Variants in FBXL17 observed in about 807,000 individuals in gnomAD.
FBXL17 encodes the protein F-box and leucine rich repeat protein 17.
Under a neutral mutation model 66.2 loss-of-function variants are expected in FBXL17, and 22 were observed. The ratio of observed to expected loss-of-function variants is 0.33; its 90% CI spans 0.24 to 0.47. The LOEUF (loss-of-function observed/expected upper bound fraction) is 0.47, where lower values mean the gene tolerates loss of function less well. Ranked by LOEUF, FBXL17 falls within the 20% of genes least tolerant of loss-of-function variation. The pLI is 1.00. For missense variants in FBXL17, 878 were observed against 948.2 expected (o/e 0.93, Z 0.97); for synonymous variants, 474 against 400.5 (o/e 1.18, Z -2.19).
intron 6 of FBXL17, among the ~76,000 whole-genome samples, chr5:108,164,454 T>C (rs915266400): frequency 6.6e-5 from 10 of 152,190 alleles, no homozygotes; most frequent in Non-Finnish European, 7.4e-5. Flanking sequence ...AACCTAATTA[T>C]GCAACTTTCA....
At chr5:108,326,567 C>T (rs567072740) in intron 4 of FBXL17, among the ~76,000 whole-genome samples, 434 of 152,160 alleles carry the variant, frequency 2.9e-3, no homozygotes, top group Non-Finnish European at 3.9e-3. Context: ...CCTGACACTG[C>T]ACTCCAGCCT....
chr5:107,990,860 T>C (rs754519923), intron 7 of FBXL17, among the ~76,000 whole-genome samples: 2 of 152,150 alleles, frequency 1.3e-5, no homozygotes, highest in Non-Finnish European at 2.9e-5. Context: ...TCTCCGAGAC[T>C]GGTAGGATTT....
rs1749880469 is a variant in FBXL17 at position 108,381,205 on chromosome 5, T to A, written c.487A>T (p.Ser163Cys). ...EQQGRSLFLA[S>C]LGPVRFLGPP... ...CCCAGGAAGCGCACCGGCCCCAAGCTGGCCAGGAAGAGACTTCGGCCCTGC... is the reference window on the plus strand; with the variant it reads ...CCCAGGAAGCGCACCGGCCCCAAGCAGGCCAGGAAGAGACTTCGGCCCTGC... Residue 163 changes from serine (S) to cysteine (C), a missense_variant, in exon 1 of 9, where the codon AGC (serine) becomes TGC (cysteine). Transcript: ENST00000542267. 1 of 1,443,180 alleles carries A rather than the reference T, an allele frequency of 6.9e-7. No individual in the cohort carries two copies. Among genetic ancestry groups the A allele is most frequent in the Non-Finnish European group, 9.1e-7 (1 of 1,099,704 alleles). 89.4% of individuals were successfully genotyped at this position (1,443,180 alleles called of 1,614,324 possible).
chr5:108,100,605 A>G lies in FBXL17; in HGVS notation c.1746-79604T>C, dbSNP rs12515292. On this transcript the variant is annotated intron_variant, in intron 6 of 8. Transcript: ENST00000542267. ...GAGGCTGGTTTTATAACACAGAATT[A>G]AAATATGCTTTAGAAGAACTCCTAG... 9.3e-3 allele frequency among the ~76,000 whole-genome samples: 1,412 copies of G among 152,326 alleles called. 7 individuals are homozygous for G. The highest frequency in any genetic ancestry group is 0.013 in the Non-Finnish European group (865 of 68,014).
chr5:108,055,308 A>AAAAAAAAC (rs1561388285), intron 6 of FBXL17, among the ~76,000 whole-genome samples: 23 of 21,918 alleles, frequency 1.0e-3, no homozygotes, highest in African/African-American at 4.6e-3. Flanking sequence ...AAAAAAAAAA[A>AAAAAAAAC]AAAAAGAAAA....
At chr5:108,178,443 G>A (rs936432542) in intron 6 of FBXL17, among the ~76,000 whole-genome samples, 1 of 152,048 alleles carries the variant, frequency 6.6e-6, no homozygotes, top group African/African-American at 2.4e-5. Flanking sequence ...TTGTGAATAT[G>A]TGAATACAAA....
intron 6 of FBXL17, among the ~76,000 whole-genome samples, chr5:108,057,071 A>G (rs970355803): frequency 4.6e-5 from 7 of 152,234 alleles, no homozygotes; most frequent in Non-Finnish European, 1.0e-4. Flanking sequence ...ATCCAAAAGC[A>G]TTTTGCAAAT....
intron 6 of FBXL17, among the ~76,000 whole-genome samples, chr5:108,118,874 T>G (rs955576782): frequency 6.6e-6 from 1 of 152,148 alleles, no homozygotes; most frequent in Admixed American, 6.5e-5. Flanking sequence ...TGATTTTCCT[T>G]AGAACACCCT....
At chr5:108,211,529 A>T (rs1754371004) in intron 5 of FBXL17, among the ~76,000 whole-genome samples, 1 of 152,224 alleles carries the variant, frequency 6.6e-6, no homozygotes, top group Non-Finnish European at 1.5e-5. Flanking sequence ...TGGTGGTGAC[A>T]AAATCTCTCA....
chr5:108,064,534 C>T (rs533100789), intron 6 of FBXL17, among the ~76,000 whole-genome samples: 2 of 152,282 alleles, frequency 1.3e-5, no homozygotes, highest in South Asian at 2.1e-4. Context: ...CAGGTCACTA[C>T]AGTCAGGGCC....
rs147888754 is a variant in FBXL17 at position 108,055,660 on chromosome 5, G to A, written c.1746-34659C>T. 7.1e-3 allele frequency among the ~76,000 whole-genome samples: 1,030 copies of A among 144,252 alleles called. 17 individuals carry two copies. The highest frequency in any genetic ancestry group is 0.025 in the African/African-American group (985 of 39,696). 94.6% of individuals were successfully genotyped at this position (144,252 alleles called of 152,430 possible). ...AGAAAAAACCCTTCAAAATAAAAAT[G>A]GTTCCACATGCTTGTAAAATAAAAG... On this transcript the variant is annotated intron_variant, in intron 6 of 8. Transcript: ENST00000542267.
intron 6 of FBXL17, among the ~76,000 whole-genome samples, chr5:108,067,236 T>G (rs1748147970): frequency 6.6e-6 from 1 of 152,112 alleles, no homozygotes; most frequent in Admixed American, 6.5e-5. Flanking sequence ...TATGGTATTA[T>G]CTGAGACATG....
At chr5:108,089,686 T>C (rs1276045406) in intron 6 of FBXL17, among the ~76,000 whole-genome samples, 1 of 152,234 alleles carries the variant, frequency 6.6e-6, no homozygotes, top group Admixed American at 6.5e-5. Flanking sequence ...CACAGCTTTT[T>C]TCCCCTTGTT....
At chr5:108,334,753 G>A (rs10057274) in intron 4 of FBXL17, among the ~76,000 whole-genome samples, 42,298 of 152,018 alleles carry the variant, frequency 0.28, 6,471 homozygotes, top group Middle Eastern at 0.37. Flanking sequence ...AGAAAACAAA[G>A]GACACAATAC....
intron 1 of FBXL17, 116 bp downstream of exon 1, chr5:108,380,583 T>TA: frequency 3.5e-6 from 2 of 577,874 alleles, no homozygotes; most frequent in South Asian, 1.8e-4. Context: ...GGGACGTCCC[T>TA]AGGCTGCCAG....
At chr5:108,000,902 C>T (rs1372396560) in intron 7 of FBXL17, among the ~76,000 whole-genome samples, 1 of 152,178 alleles carries the variant, frequency 6.6e-6, no homozygotes, top group African/African-American at 2.4e-5. Flanking sequence ...TATTTTAATG[C>T]ATTTGGCTAG....
intron 7 of FBXL17, among the ~76,000 whole-genome samples, chr5:107,997,244 T>C (rs1214178283): frequency 6.6e-6 from 1 of 152,214 alleles, no homozygotes; most frequent in East Asian, 1.9e-4. Context: ...TCTTTATCAG[T>C]ATAATACTAA....
chr5:108,054,080 G>A (rs1012448658), intron 6 of FBXL17, among the ~76,000 whole-genome samples: 14 of 152,004 alleles, frequency 9.2e-5, no homozygotes, highest in Admixed American at 4.6e-4. Flanking sequence ...ATGGACACAC[G>A]GAGAAGAACA....
intron 6 of FBXL17, among the ~76,000 whole-genome samples, chr5:108,116,664 T>TA (rs951281021): frequency 7.9e-5 from 12 of 151,014 alleles, no homozygotes; most frequent in Admixed American, 2.0e-4. Context: ...ATAATAATAA[T>TA]AAAAAAATAA....
Sources: gnomAD v4.1 joint callset for allele counts (sites outside exome capture counted in the v4.1 genomes callset) on GRCh38, gnomAD v4.1.1 for gene constraint, MANE v1.5 for transcripts, NCBI Gene and HGNC (gene_info 2026-07-23, HGNC 2026-07-21) for gene names.